The following KIAA0825 variants were observed in gnomAD, a reference collection of about 807,000 sequenced individuals.
KIAA0825 encodes the protein KIAA0825, also known as uncharacterized protein KIAA0825.
A neutral mutation model predicts 147.6 loss-of-function variants in KIAA0825; 119 were observed. The observed-to-expected ratio is 0.81, with a 90% CI of 0.69 to 0.94. The LOEUF (loss-of-function observed/expected upper bound fraction) is 0.94, where lower values mean the gene tolerates loss of function less well. Among genes scored for constraint, KIAA0825 ranks in the 40% least tolerant of loss-of-function variants. The pLI, the probability that KIAA0825 is intolerant of heterozygous loss-of-function variation, is 0.00. For synonymous variants in KIAA0825, 470 were observed against 518.1 expected (o/e 0.91, Z 1.26); for missense variants, 1,381 against 1,472.7 (o/e 0.94, Z 1.02).
At chr5:94,245,731 TATGAC>T (rs1390860079) in intron 20 of KIAA0825, among the ~76,000 whole-genome samples, 27 of 152,102 alleles carry the variant, frequency 1.8e-4, no homozygotes, top group Non-Finnish European at 3.7e-4. Context: ...ATGACTGATA[TATGAC>T]TAAAGTGACA....
At chr5:94,508,554 G>A (rs528130993) in intron 5 of KIAA0825, among the ~76,000 whole-genome samples, 1 of 152,278 alleles carries the variant, frequency 6.6e-6, no homozygotes, top group Admixed American at 6.5e-5. Flanking sequence ...GGGAAGTAAG[G>A]AAATCCCTTA....
chr5:94,481,592 T>G (rs1170059566), intron 6 of KIAA0825, among the ~76,000 whole-genome samples: 1 of 152,016 alleles, frequency 6.6e-6, no homozygotes, highest in African/African-American at 2.4e-5. Flanking sequence ...TGTGGAAGCC[T>G]TCGACCTCTC....
intron 1 of KIAA0825, among the ~76,000 whole-genome samples, chr5:94,610,657 G>A (rs1585036852): frequency 1.4e-5 from 2 of 145,002 alleles, no homozygotes; most frequent in African/African-American, 2.5e-5. Context: ...CCAGCTACTC[G>A]GGAGGCTGAG....
intron 1 of KIAA0825, among the ~76,000 whole-genome samples, chr5:94,585,264 AG>A (rs1433636423): frequency 6.6e-6 from 1 of 152,200 alleles, no homozygotes; most frequent in African/African-American, 2.4e-5. Flanking sequence ...TAAAGAGTCA[AG>A]ACCCATTGGT....
chr5:94,563,199 A>C (rs2346762), intron 2 of KIAA0825, among the ~76,000 whole-genome samples: 22,396 of 122,532 alleles, frequency 0.18, 1,743 homozygotes, highest in South Asian at 0.26. Flanking sequence ...AAAAAACAAA[A>C]AAAAAAAAAT....
intron 5 of KIAA0825, among the ~76,000 whole-genome samples, chr5:94,505,042 A>T (rs1041545914): frequency 6.0e-5 from 9 of 150,786 alleles, no homozygotes; most frequent in Non-Finnish European, 1.3e-4. Flanking sequence ...CACCGTGCCC[A>T]GTTCACCCAT....
At chr5:94,183,258 A>G (rs955542279) in intron 20 of KIAA0825, among the ~76,000 whole-genome samples, 2 of 152,242 alleles carry the variant, frequency 1.3e-5, no homozygotes, top group African/African-American at 4.8e-5. Context: ...AAAATGAACT[A>G]AAATCTGTTA....
In KIAA0825 at chr5:94,520,575, T is replaced by A. The variant is rs768664005; in HGVS notation, c.643A>T (p.Ile215Leu). 3.7e-6 allele frequency: 6 copies of A among 1,613,448 alleles called. No homozygotes were observed. The East Asian group carries it at 1.3e-4, about 36-fold the overall frequency. Residue 215 changes from isoleucine to leucine, a missense_variant, in exon 5 of 21, where the codon ATA becomes TTA. Ile to Leu is a conservative substitution (Grantham distance 5, BLOSUM62 2). Transcript: ENST00000682413. ...AGATTAGCCAACAGTTTATTCTGTA[T>A]GTTTTGGTATTTGATTATAACTTCT... is the stretch of plus-strand genomic sequence containing the variant. ...ESEVIIKYQN[I>L]QNKLLANLLW...
At chr5:94,274,464 A>C (rs1300402270) in intron 20 of KIAA0825, among the ~76,000 whole-genome samples, 2 of 152,144 alleles carry the variant, frequency 1.3e-5, no homozygotes, top group Admixed American at 6.6e-5. Context: ...ATTATTGAGC[A>C]CACACTATTC....
intron 20 of KIAA0825, among the ~76,000 whole-genome samples, chr5:94,178,631 C>T (rs1769324874): frequency 6.6e-6 from 1 of 151,926 alleles, no homozygotes; most frequent in Admixed American, 6.6e-5. Context: ...ATTCTGCTGC[C>T]ATCACACACA....
At chr5:94,356,721 A>ATCTTTTTT (rs1784305428) in intron 20 of KIAA0825, among the ~76,000 whole-genome samples, 1 of 112,544 alleles carries the variant, frequency 8.9e-6, no homozygotes, top group Non-Finnish European at 1.9e-5. Flanking sequence ...GTTTAACTTG[A>ATCTTTTTT]TTTCTTTTTT....
chr5:94,585,132 T>C lies in KIAA0825; in HGVS notation c.-152-2549A>G, dbSNP rs534646878. On this transcript the variant is annotated intron_variant, in intron 1 of 20. Transcript: ENST00000682413. ...CAATGCTATGAAGAAACTGCATCAA[T>C]TTATGGGTGAAATAACCAGCTAGCA... Among the ~76,000 whole-genome samples, 13 of 152,268 alleles carry C rather than the reference T, an allele frequency of 8.5e-5. No individual in the cohort carries two copies. In the South Asian group the frequency reaches 2.7e-3, roughly 32 times the overall value.
intron 20 of KIAA0825, among the ~76,000 whole-genome samples, chr5:94,274,617 A>C (rs1480631748): frequency 1.3e-5 from 2 of 152,120 alleles, no homozygotes; most frequent in Non-Finnish European, 2.9e-5. Context: ...ACAGCCAGAA[A>C]TTGGTCTGGC....
intron 20 of KIAA0825, among the ~76,000 whole-genome samples, chr5:94,244,996 C>T (rs1775533315): frequency 6.6e-6 from 1 of 152,124 alleles, no homozygotes; most frequent in Admixed American, 6.5e-5. Flanking sequence ...GCTATGCAAC[C>T]TAGCAAATCC....
chr5:94,308,331 T>G (rs1778876712), intron 20 of KIAA0825, among the ~76,000 whole-genome samples: 1 of 151,728 alleles, frequency 6.6e-6, no homozygotes, highest in South Asian at 2.1e-4. Context: ...AAATTAGAAT[T>G]TAAGCACTTA....
At chr5:94,249,306 T>C (rs1390482712) in intron 20 of KIAA0825, among the ~76,000 whole-genome samples, 1 of 152,128 alleles carries the variant, frequency 6.6e-6, no homozygotes, top group African/African-American at 2.4e-5. Flanking sequence ...CAAAGTATAC[T>C]GATGCCAGTG....
At chr5:94,481,802 G>T (rs1242818195) in intron 6 of KIAA0825, among the ~76,000 whole-genome samples, 1 of 152,004 alleles carries the variant, frequency 6.6e-6, no homozygotes, top group African/African-American at 2.4e-5. Flanking sequence ...ATTCTTCTGA[G>T]ACAAACCCTA....
At chr5:94,441,122 A>T (rs10063430) in intron 13 of KIAA0825, among the ~76,000 whole-genome samples, 35,804 of 151,860 alleles carry the variant, frequency 0.24, 4,633 homozygotes, top group Middle Eastern at 0.32. Flanking sequence ...TCATTAGCAG[A>T]TGCAATTTAC....
At chr5:94,356,725 C>CATTTTTTTTTTTTTTTTT (rs1784309596) in intron 20 of KIAA0825, among the ~76,000 whole-genome samples, 1 of 116,738 alleles carries the variant, frequency 8.6e-6, no homozygotes, top group Non-Finnish European at 1.7e-5. Context: ...AACTTGATTT[C>CATTTTTTTTTTTTTTTTT]TTTTTTTTTT....
Sources: gnomAD v4.1 joint callset for allele counts (sites outside exome capture counted in the v4.1 genomes callset) on GRCh38, gnomAD v4.1.1 for gene constraint, MANE v1.5 for transcripts, NCBI Gene and HGNC (gene_info 2026-07-23, HGNC 2026-07-21) for gene names.